AUH: variants seen among roughly 807,000 people sequenced by gnomAD.
The protein encoded by AUH is AU RNA binding methylglutaconyl-CoA hydratase.
In AUH, 29 loss-of-function variants were observed where a neutral mutation model predicts 42.3. The observed-to-expected ratio is 0.69, with a 90% CI of 0.51 to 0.93. AUH has a LOEUF of 0.93. Among genes scored for constraint, AUH ranks in the 40% least tolerant of loss-of-function variants. AUH has a pLI of 0.00. For missense variants in AUH, 452 were observed against 438.1 expected, an observed-to-expected ratio of 1.03 and a Z score of -0.28; for synonymous variants, 174 against 166.4, an observed-to-expected ratio of 1.05 and a Z score of -0.35.
intron 6 of AUH, among the ~76,000 whole-genome samples, chr9:91,285,587 T>C (rs1826338061): frequency 6.6e-6 from 1 of 152,122 alleles, no homozygotes; most frequent in Non-Finnish European, 1.5e-5. Flanking sequence ...GTTATGATGT[T>C]TGCTCACGTT....
intron 4 of AUH, among the ~76,000 whole-genome samples, chr9:91,302,602 GAACA>G (rs905841276): frequency 2.7e-5 from 4 of 149,556 alleles, no homozygotes; most frequent in Admixed American, 6.7e-5. Flanking sequence ...AAAAACAAAC[GAACA>G]AACAAACAAA....
chr9:91,269,502 T>C (rs1587732753), intron 6 of AUH, among the ~76,000 whole-genome samples: 1 of 152,342 alleles, frequency 6.6e-6, no homozygotes, highest in East Asian at 1.9e-4. Context: ...AGATAAACAT[T>C]TAAATTATTT....
chr9:91,233,699 C>T (rs1828019228), intron 6 of AUH, among the ~76,000 whole-genome samples: 1 of 152,082 alleles, frequency 6.6e-6, no homozygotes, highest in South Asian at 2.1e-4. Flanking sequence ...AATAATTATC[C>T]TTGGCTACAA....
intron 3 of AUH, among the ~76,000 whole-genome samples, chr9:91,348,875 A>C (rs1262122734): frequency 2.6e-5 from 4 of 152,210 alleles, no homozygotes; most frequent in Admixed American, 1.3e-4. Flanking sequence ...TAAATTGGTA[A>C]ACTTTATTCC....
intron 4 of AUH, among the ~76,000 whole-genome samples, chr9:91,318,660 G>A (rs1193469969): frequency 1.3e-5 from 2 of 152,222 alleles, no homozygotes; most frequent in Admixed American, 1.3e-4. Context: ...AAGACTGACT[G>A]CGACTGATTT....
At chr9:91,344,297 T>TCTA (rs1432456225) in intron 3 of AUH, among the ~76,000 whole-genome samples, 1 of 152,208 alleles carries the variant, frequency 6.6e-6, no homozygotes, top group Non-Finnish European at 1.5e-5. Flanking sequence ...CATCACTGAA[T>TCTA]CTACCTATAA....
In AUH at chr9:91,225,794, T is replaced by C. The variant is rs13286672; in HGVS notation, c.656-4802A>G. Among the ~76,000 whole-genome samples, 1,483 of 150,278 alleles carry C rather than the reference T, an allele frequency of 9.9e-3. 18 individuals are homozygous for C. The highest frequency in any genetic ancestry group is 0.014 in the Non-Finnish European group (949 of 67,640). The stretch of plus-strand genomic sequence containing the variant: ...TTCAATTCCCACCTATGAGTGAGAA[T>C]ATGCGGTGTTTGGTTTTTTGTTCTT... On this transcript the variant is annotated intron_variant, in intron 6 of 9. Transcript: ENST00000375731.
At chr9:91,279,506 G>A (rs985491320) in intron 6 of AUH, among the ~76,000 whole-genome samples, 14 of 152,280 alleles carry the variant, frequency 9.2e-5, no homozygotes, top group Non-Finnish European at 1.8e-4. Flanking sequence ...ATCTGCTTCT[G>A]GTGAGGGCCT....
chr9:91,300,951 T>C (rs1175219688), intron 4 of AUH, among the ~76,000 whole-genome samples: 1 of 152,206 alleles, frequency 6.6e-6, no homozygotes, highest in African/African-American at 2.4e-5. Context: ...ATACAGCCCA[T>C]ATGAAACAAA....
At chr9:91,347,541 C>G (rs374176605) in intron 3 of AUH, among the ~76,000 whole-genome samples, 5 of 152,236 alleles carry the variant, frequency 3.3e-5, no homozygotes, top group South Asian at 4.1e-4. Context: ...AGCTGCCCCC[C>G]CATCCTGAAG....
At chr9:91,260,999 A>G (rs1331218314) in intron 6 of AUH, among the ~76,000 whole-genome samples, 1 of 152,108 alleles carries the variant, frequency 6.6e-6, no homozygotes, top group East Asian at 1.9e-4. Context: ...CATCTCAAAT[A>G]GTTGTTTTAT....
At chr9:91,244,670 G>A (rs1034689361) in intron 6 of AUH, among the ~76,000 whole-genome samples, 1 of 152,150 alleles carries the variant, frequency 6.6e-6, no homozygotes, top group Non-Finnish European at 1.5e-5. Context: ...TGTCCTGAGG[G>A]TTCTAAACCC....
intron 6 of AUH, among the ~76,000 whole-genome samples, chr9:91,252,315 T>C (rs534099216): frequency 1.3e-5 from 2 of 152,116 alleles, no homozygotes; most frequent in South Asian, 4.2e-4. Flanking sequence ...ACAAAACTTG[T>C]ACATATGGTC....
chr9:91,229,762 A>C (rs935050663), intron 6 of AUH, among the ~76,000 whole-genome samples: 3 of 148,810 alleles, frequency 2.0e-5, no homozygotes, highest in Admixed American at 6.7e-5. Flanking sequence ...TGGTGACAAA[A>C]TCTCTCAGCA....
chr9:91,221,464 C>CT (rs1827132924), intron 6 of AUH, among the ~76,000 whole-genome samples: 1 of 152,216 alleles, frequency 6.6e-6, no homozygotes, highest in South Asian at 2.1e-4. Flanking sequence ...ACATTGTAAA[C>CT]ACATTTTAAT....
chr9:91,288,060 G>A (rs1190742856), intron 6 of AUH, among the ~76,000 whole-genome samples: 1 of 151,842 alleles, frequency 6.6e-6, no homozygotes, highest in Non-Finnish European at 1.5e-5. Context: ...AAGCTGGGGG[G>A]AATAAAAAAG....
intron 1 of AUH, among the ~76,000 whole-genome samples, chr9:91,356,729 C>T (rs1215648650): frequency 6.6e-6 from 1 of 152,186 alleles, no homozygotes; most frequent in Non-Finnish European, 1.5e-5. Context: ...AGACCATCAC[C>T]TAAACCCAGC....
intron 3 of AUH, among the ~76,000 whole-genome samples, chr9:91,325,669 A>G (rs1047909024): frequency 7.9e-5 from 12 of 152,210 alleles, no homozygotes; most frequent in Non-Finnish European, 1.5e-5. Context: ...AAAGGAAGAC[A>G]CTATAGTTGG....
At chr9:91,312,868 A>G (rs1477746984) in intron 4 of AUH, among the ~76,000 whole-genome samples, 1 of 152,244 alleles carries the variant, frequency 6.6e-6, no homozygotes, top group Non-Finnish European at 1.5e-5. Flanking sequence ...ACTGTCAAAG[A>G]CAAAAATCTA....
Sources: gnomAD v4.1 joint callset for allele counts (sites outside exome capture counted in the v4.1 genomes callset) on GRCh38, gnomAD v4.1.1 for gene constraint, MANE v1.5 for transcripts, NCBI Gene and HGNC (gene_info 2026-07-23, HGNC 2026-07-21) for gene names.